INTS4: variants seen among roughly 807,000 people sequenced by gnomAD.
INTS4 encodes the protein MSTP093.
INTS4 carries 70 observed loss-of-function variants against 119.5 expected under a neutral mutation model. The observed-to-expected ratio is 0.59, with a 90% CI of 0.48 to 0.71. The LOEUF (loss-of-function observed/expected upper bound fraction) is 0.71, where lower values mean the gene tolerates loss of function less well. INTS4 is among the 30% of genes least tolerant of loss of function. The pLI, the probability that INTS4 is intolerant of heterozygous loss-of-function variation, is 0.00. For synonymous variants in INTS4, 316 were observed against 419.6 expected (o/e 0.75, Z 3.02); for missense variants, 867 against 1,173.2 (o/e 0.74, Z 3.81).
At chr11:77,905,766 C>T (rs1249209670) in intron 16 of INTS4, among the ~76,000 whole-genome samples, 1 of 152,182 alleles carries the variant, frequency 6.6e-6, no homozygotes, top group East Asian at 1.9e-4. Flanking sequence ...TTTCAGATGA[C>T]CACAGTTAAA....
intron 4 of INTS4, among the ~76,000 whole-genome samples, chr11:77,967,633 A>G (rs146648475): frequency 2.6e-5 from 4 of 152,304 alleles, no homozygotes; most frequent in Admixed American, 2.0e-4. Context: ...GAACAAGTCA[A>G]ACGTCATCTG....
At chr11:77,959,343 C>A (rs1248262675) in intron 6 of INTS4, among the ~76,000 whole-genome samples, 2 of 152,144 alleles carry the variant, frequency 1.3e-5, no homozygotes, top group African/African-American at 4.8e-5. Flanking sequence ...CTACTTATGG[C>A]TGGAATTCTC....
chr11:77,991,003 A>G, intron 2 of INTS4, 105 bp downstream of exon 2: 3 of 985,100 alleles, frequency 3.0e-6, no homozygotes, highest in Non-Finnish European at 4.6e-6. Flanking sequence ...GACACTCAAT[A>G]AAAGCTTCCT....
At chr11:77,960,855 T>G (rs1375916230) in intron 5 of INTS4, 98 bp downstream of exon 5, 6 of 1,082,276 alleles carry the variant, frequency 5.5e-6, no homozygotes, top group Non-Finnish European at 8.0e-6. Context: ...TGAAAGTATA[T>G]GCTGAAGAAT....
intron 18 of INTS4, among the ~76,000 whole-genome samples, chr11:77,898,634 A>G (rs1952637211): frequency 6.6e-6 from 1 of 152,258 alleles, no homozygotes; most frequent in African/African-American, 2.4e-5. Flanking sequence ...CATTAAAAAT[A>G]TAAGTAATAA....
At chr11:77,895,527 GAAAAAAAAAAAAAAAA>G (rs71046921) in intron 18 of INTS4, among the ~76,000 whole-genome samples, 14 of 39,234 alleles carry the variant, frequency 3.6e-4, no homozygotes, top group African/African-American at 4.7e-4. Context: ...TTCTTTTCCT[GAAAAAAAAAAAAAAAA>G]AAAAAAAAAA....
At chr11:77,990,122 C>T (rs1014713030) in intron 2 of INTS4, among the ~76,000 whole-genome samples, 11 of 149,786 alleles carry the variant, frequency 7.3e-5, no homozygotes, top group African/African-American at 2.7e-4. Flanking sequence ...TGGAGGCTGA[C>T]GCAGGAGAAT....
intron 15 of INTS4, among the ~76,000 whole-genome samples, chr11:77,914,250 CA>C (rs1165832742): frequency 2.6e-5 from 4 of 152,246 alleles, no homozygotes; most frequent in African/African-American, 9.6e-5. Context: ...GCAAGACTAT[CA>C]TCTCAGGAAA....
rs141065731 is a variant in INTS4, at chr11:77,960,521, T to C, written c.658-130A>G. The C allele has an allele frequency of 1.9e-4, 111 of 593,242 alleles. No homozygotes were observed. In the African/African-American group the frequency reaches 2.0e-3, roughly 11 times the overall value. The allele number at this position is 593,242 out of a possible 1,614,324, so 36.7% of individuals were successfully genotyped here. ...GGTTCCTTTTAGCCAAAATTAGTGC[T>C]ATATAAATAAGAAACCTTGTCGTCT... On this transcript the variant is annotated intron_variant, in intron 5 of 22. Coordinates refer to ENST00000534064, the MANE Select transcript of INTS4 (RefSeq NM_033547.4).
intron 15 of INTS4, among the ~76,000 whole-genome samples, chr11:77,910,380 G>A (rs1355178056): frequency 2.0e-5 from 3 of 150,206 alleles, no homozygotes; most frequent in African/African-American, 4.9e-5. Flanking sequence ...ACTCATAGGT[G>A]GGAATTGAAC....
At chr11:77,940,218 C>T (rs1953897167) in intron 9 of INTS4, among the ~76,000 whole-genome samples, 1 of 152,046 alleles carries the variant, frequency 6.6e-6, no homozygotes, top group South Asian at 2.1e-4. Context: ...TGCCTGGGCT[C>T]AGGAGTTCAA....
intron 2 of INTS4, 59 bp downstream of exon 2, chr11:77,991,049 C>G: frequency 7.0e-7 from 1 of 1,434,882 alleles, no homozygotes; most frequent in East Asian, 2.3e-5. Flanking sequence ...ATTAACCATT[C>G]TGCAGACATG....
intron 15 of INTS4, among the ~76,000 whole-genome samples, chr11:77,916,168 GCA>G (rs1953200296): frequency 6.6e-6 from 1 of 152,170 alleles, no homozygotes; most frequent in Non-Finnish European, 1.5e-5. Flanking sequence ...TGAACCCTGA[GCA>G]ATAAACTTGA....
intron 8 of INTS4, among the ~76,000 whole-genome samples, chr11:77,953,276 C>T (rs1207655233): frequency 6.6e-6 from 1 of 152,170 alleles, no homozygotes; most frequent in Non-Finnish European, 1.5e-5. Context: ...AAAAGAATCA[C>T]AGATTTTCCT....
intron 10 of INTS4, among the ~76,000 whole-genome samples, chr11:77,937,093 T>C (rs1266560788): frequency 2.0e-5 from 3 of 151,766 alleles, no homozygotes; most frequent in African/African-American, 4.8e-5. Flanking sequence ...GAGAATTGTC[T>C]GAACTCAGGA....
In INTS4 at chr11:77,901,491, C is replaced by A. The variant is rs781717894; in HGVS notation, c.2158G>T (p.Val720Leu). 1 of 1,613,094 alleles carries A rather than the reference C, an allele frequency of 6.2e-7. No individual in the cohort carries two copies. The highest frequency in any genetic ancestry group is 1.7e-5 in the Admixed American group (1 of 60,010). The change falls in exon 18 of 23, where the codon GTG becomes TTG. Residue 720 changes from valine (V) to leucine (L), a missense_variant. Val to Leu is a conservative substitution (Grantham distance 32). Coordinates refer to ENST00000534064, the MANE Select transcript of INTS4 (RefSeq NM_033547.4). The stretch of plus-strand genomic sequence containing the variant: ...TGCAGCCTCATGTGATGTATAATCA[C>A]CACCTGCTTATTCTCCACACCACTG... Reference protein sequence around the residue: ...MYSGVENKQVVIIHHMRLQAK... With the variant: ...MYSGVENKQVLIIHHMRLQAK...
intron 15 of INTS4, among the ~76,000 whole-genome samples, chr11:77,917,112 T>G (rs1953221328): frequency 6.6e-6 from 1 of 152,096 alleles, no homozygotes. Flanking sequence ...TTTGTCTATA[T>G]CCATCTTGTC....
chr11:77,972,580 C>T (rs1855775498), intron 4 of INTS4, among the ~76,000 whole-genome samples: 1 of 151,652 alleles, frequency 6.6e-6, no homozygotes, highest in South Asian at 2.1e-4. Context: ...TCACACCTGG[C>T]TAATTTTTGT....
chr11:77,956,128 GC>G, intron 7 of INTS4, 66 bp from the exon 8 acceptor site: 1 of 1,532,384 alleles, frequency 6.5e-7, no homozygotes, highest in Non-Finnish European at 8.7e-7. Context: ...GCAGGCTCAG[GC>G]CAGGCACAGT....
Sources: allele counts gnomAD v4.1 joint callset (sites outside exome capture counted in the v4.1 genomes callset), GRCh38; gene constraint gnomAD v4.1.1; transcripts MANE v1.5; gene names NCBI Gene and HGNC (gene_info 2026-07-23, HGNC 2026-07-21).